The following RIF1 variants were observed in gnomAD, a reference collection of about 807,000 sequenced individuals.
RIF1 encodes telomere-associated protein RIF1.
Under a neutral mutation model 247.1 loss-of-function variants are expected in RIF1, and 45 were observed. That is an observed-to-expected ratio of 0.18 (90% CI 0.14 to 0.23). The LOEUF (loss-of-function observed/expected upper bound fraction) is 0.23, where lower values mean the gene tolerates loss of function less well. Ranked by LOEUF, RIF1 falls within the 10% of genes least tolerant of loss-of-function variation. The pLI, the probability that RIF1 is intolerant of heterozygous loss-of-function variation, is 1.00. For missense variants in RIF1, 2,967 were observed against 2,862.5 expected (o/e 1.04, Z -0.83); for synonymous variants, 1,087 against 978.8 (o/e 1.11, Z -2.06).
At chr2:151,495,368 C>T (rs917906935) in intron 10 of RIF1, 2 of 152,170 alleles carry the variant, frequency 1.3e-5, no homozygotes, top group African/African-American at 2.4e-5. Flanking sequence ...TTCTCTGGCC[C>T]CCTCTATAAC....
intron 8 of RIF1, among the ~76,000 whole-genome samples, chr2:151,426,154 T>C (rs950381523): frequency 7.4e-5 from 11 of 148,576 alleles, no homozygotes; most frequent in African/African-American, 2.4e-4. Flanking sequence ...TTTTCAGGAT[T>C]GTTTTGGCTT....
intron 14 of RIF1, among the ~76,000 whole-genome samples, chr2:151,439,579 G>T (rs572602274): frequency 6.6e-6 from 1 of 150,928 alleles, no homozygotes; most frequent in Non-Finnish European, 1.5e-5. Flanking sequence ...TGAGGCAGGA[G>T]AATTGCTTGA....
At chr2:151,473,662 A>G (rs979112538) in intron 34 of RIF1, among the ~76,000 whole-genome samples, 1 of 152,094 alleles carries the variant, frequency 6.6e-6, no homozygotes, top group Non-Finnish European at 1.5e-5. Flanking sequence ...TTTATACCAC[A>G]TTCTTAAACT....
intron 11 of RIF1, among the ~76,000 whole-genome samples, chr2:151,436,524 C>T: frequency 8.2e-6 from 1 of 121,330 alleles, no homozygotes; most frequent in East Asian, 2.4e-4. Context: ...CTGGGCAGTA[C>T]AATGAGACTC....
chr2:151,421,642 T>C (rs1221776924), intron 7 of RIF1, among the ~76,000 whole-genome samples: 37 of 152,154 alleles, frequency 2.4e-4, no homozygotes, highest in Admixed American at 2.2e-3. Flanking sequence ...ACTCCTGGGC[T>C]CAAGCAATCC....
intron 21 of RIF1, among the ~76,000 whole-genome samples, chr2:151,453,680 A>G (rs890860857): frequency 6.6e-6 from 1 of 151,734 alleles, no homozygotes; most frequent in Non-Finnish European, 1.5e-5. Flanking sequence ...TCCATTCATT[A>G]CTGGAGTACC....
At chr2:151,499,825 C>G (rs929909739) in intron 11 of RIF1, among the ~76,000 whole-genome samples, 1 of 152,128 alleles carries the variant, frequency 6.6e-6, no homozygotes, top group African/African-American at 2.4e-5. Flanking sequence ...TCATTAAGTT[C>G]AAGTTGTTGT....
intron 9 of RIF1, among the ~76,000 whole-genome samples, chr2:151,488,457 G>C (rs1244288153): frequency 1.3e-5 from 2 of 150,416 alleles, no homozygotes; most frequent in East Asian, 1.9e-4. Flanking sequence ...GACCAGCCTG[G>C]GCAACATAGT....
At chr2:151,515,866 GT>G in the RIF1 span, among the ~76,000 whole-genome samples, 110 of 152,274 alleles carry the variant, frequency 7.2e-4, no homozygotes, top group Admixed American at 1.4e-3. Flanking sequence ...TTTCTTTATA[GT>G]TGGAGGAAGA....
At chr2:151,413,417 T>A (rs930760460) in intron 3 of RIF1, among the ~76,000 whole-genome samples, 1 of 152,170 alleles carries the variant, frequency 6.6e-6, no homozygotes, top group African/African-American at 2.4e-5. Flanking sequence ...AATAGGACAA[T>A]AAGCAATTTT....
intron 10 of RIF1, chr2:151,496,891 A>G (rs2060574858): frequency 6.8e-7 from 1 of 1,472,350 alleles, no homozygotes; most frequent in Non-Finnish European, 9.3e-7. Flanking sequence ...TAAATCATGA[A>G]ATAGTTTTTA....
chr2:151,416,018 A>G (rs192150150), intron 4 of RIF1, among the ~76,000 whole-genome samples: 2 of 152,360 alleles, frequency 1.3e-5, no homozygotes, highest in African/African-American at 2.4e-5. Context: ...TAAAAGTGGT[A>G]ATGAAAGCAC....
the RIF1 span, among the ~76,000 whole-genome samples, chr2:151,524,019 G>C: frequency 2.6e-5 from 4 of 152,308 alleles, no homozygotes; most frequent in African/African-American, 7.2e-5. Flanking sequence ...GGCCTGGGGA[G>C]AGGTTCCAGT....
At chr2:151,525,475 G>C in the RIF1 span, among the ~76,000 whole-genome samples, 1 of 152,182 alleles carries the variant, frequency 6.6e-6, no homozygotes, top group Non-Finnish European at 1.5e-5. Context: ...AATCTTCGGA[G>C]AACCTGGGTA....
intron 21 of RIF1, among the ~76,000 whole-genome samples, chr2:151,452,929 C>T (rs1694578671): frequency 6.6e-6 from 1 of 152,156 alleles, no homozygotes. Flanking sequence ...CCAGAGTTCT[C>T]TTGCTGTAAA....
At chr2:151,490,890 C>T (rs1050597983) in intron 9 of RIF1, among the ~76,000 whole-genome samples, 4 of 152,230 alleles carry the variant, frequency 2.6e-5, no homozygotes, top group Non-Finnish European at 5.9e-5. Context: ...AACTGCAAAT[C>T]AATTTAGAGT....
At chr2:151,490,648 A>C (rs970576041) in intron 9 of RIF1, 9 of 1,109,960 alleles carry the variant, frequency 8.1e-6, no homozygotes, top group Non-Finnish European at 1.2e-5. Context: ...CCATGGGTCA[A>C]ACCCTCACAG....
the RIF1 span, chr2:151,525,922 T>G: frequency 1.2e-5 from 18 of 1,491,194 alleles, no homozygotes; most frequent in East Asian, 2.3e-5. Context: ...TCAAGTGGCA[T>G]TGTTGCTGCC....
At chr2:151,489,839 C>A in intron 9 of RIF1, 2 of 527,154 alleles carry the variant, frequency 3.8e-6, no homozygotes, top group South Asian at 3.7e-5. Context: ...TAATATGAAA[C>A]ATGTAATAAA....
Sources: allele counts gnomAD v4.1 joint callset (sites outside exome capture counted in the v4.1 genomes callset), GRCh38; gene constraint gnomAD v4.1.1; transcripts MANE v1.5; gene names NCBI Gene and HGNC (gene_info 2026-07-23, HGNC 2026-07-21).